The following ETV6 variants were observed in gnomAD, a reference collection of about 807,000 sequenced individuals.
ETV6 encodes ETS variant transcription factor 6, also known as transcription factor ETV6.
A neutral mutation model predicts 51.1 loss-of-function variants in ETV6; 16 were observed. The ratio of observed to expected loss-of-function variants is 0.31; its 90% CI spans 0.21 to 0.48. The LOEUF (loss-of-function observed/expected upper bound fraction) is 0.48, where lower values mean the gene tolerates loss of function less well. Ranked by LOEUF, ETV6 falls within the 20% of genes least tolerant of loss-of-function variation. The pLI, the probability that ETV6 is intolerant of heterozygous loss-of-function variation, is 0.99. For synonymous variants in ETV6, 240 were observed against 224.1 expected, an observed-to-expected ratio of 1.07 and a Z score of -0.64; for missense variants, 458 against 594.8, an observed-to-expected ratio of 0.77 and a Z score of 2.39.
At chr12:11,737,249 A>G (rs1294236976) in intron 1 of ETV6, among the ~76,000 whole-genome samples, 1 of 152,216 alleles carries the variant, frequency 6.6e-6, no homozygotes, top group Non-Finnish European at 1.5e-5. Context: ...CTGGAACTCT[A>G]CAACAGTCAG....
At chr12:11,664,005 T>A (rs929178177) in intron 1 of ETV6, among the ~76,000 whole-genome samples, 8 of 152,240 alleles carry the variant, frequency 5.3e-5, no homozygotes, top group Non-Finnish European at 2.9e-5. Flanking sequence ...TTTAAGGATT[T>A]GTGCCTTAGT....
intron 1 of ETV6, among the ~76,000 whole-genome samples, chr12:11,693,452 C>T (rs908164772): frequency 1.3e-5 from 2 of 152,228 alleles, no homozygotes; most frequent in African/African-American, 4.8e-5. Context: ...TCCTCTCACT[C>T]TTTCCCTTGG....
At chr12:11,794,552 A>G (rs1945649377) in intron 2 of ETV6, among the ~76,000 whole-genome samples, 1 of 152,198 alleles carries the variant, frequency 6.6e-6, no homozygotes, top group South Asian at 2.1e-4. Context: ...AGAGATACTC[A>G]GTGAGCAGAG....
At chr12:11,786,365 G>GAT (rs1165741152) in intron 2 of ETV6, among the ~76,000 whole-genome samples, 2 of 149,856 alleles carry the variant, frequency 1.3e-5, no homozygotes, top group Non-Finnish European at 3.0e-5. Flanking sequence ...CCTAATTAAA[G>GAT]ATATATATAC....
intron 1 of ETV6, among the ~76,000 whole-genome samples, chr12:11,737,665 G>A (rs1591640564): frequency 6.6e-6 from 1 of 152,246 alleles, no homozygotes; most frequent in Non-Finnish European, 1.5e-5. Context: ...GATGGAAGAA[G>A]TGGATGAGGG....
chr12:11,837,278 A>G (rs551730145), intron 2 of ETV6, among the ~76,000 whole-genome samples: 4 of 152,216 alleles, frequency 2.6e-5, no homozygotes, highest in African/African-American at 9.7e-5. Context: ...TTGAAATTCT[A>G]ATTTGTTTCC....
At chr12:11,656,210 T>C (rs1173451134) in intron 1 of ETV6, among the ~76,000 whole-genome samples, 1 of 152,220 alleles carries the variant, frequency 6.6e-6, no homozygotes, top group East Asian at 1.9e-4. Context: ...ATGAGGAAAC[T>C]GAAGCCCAGA....
At chr12:11,729,871 A>C (rs924406437) in intron 1 of ETV6, among the ~76,000 whole-genome samples, 1 of 152,190 alleles carries the variant, frequency 6.6e-6, no homozygotes, top group Non-Finnish European at 1.5e-5. Flanking sequence ...TGCTGAATGC[A>C]TGGGTTAAAG....
intron 2 of ETV6, among the ~76,000 whole-genome samples, chr12:11,789,264 C>A (rs1323734400): frequency 2.6e-5 from 4 of 152,056 alleles, no homozygotes; most frequent in Non-Finnish European, 4.4e-5. Context: ...AAACTCCTGA[C>A]CTCACGATTC....
chr12:11,713,528 G>A (rs534825599), intron 1 of ETV6, among the ~76,000 whole-genome samples: 8 of 152,252 alleles, frequency 5.3e-5, no homozygotes, highest in Non-Finnish European at 8.8e-5. Flanking sequence ...GCCTTTGCGT[G>A]TGCTGTTTCC....
intron 1 of ETV6, among the ~76,000 whole-genome samples, chr12:11,656,035 C>T (rs968073062): frequency 6.6e-6 from 1 of 152,208 alleles, no homozygotes; most frequent in African/African-American, 2.4e-5. Context: ...TTTCCTTCTT[C>T]CTCTTCCTCC....
At chr12:11,884,923 C>T (rs1947162542) in intron 6 of ETV6, among the ~76,000 whole-genome samples, 1 of 152,218 alleles carries the variant, frequency 6.6e-6, no homozygotes, top group Non-Finnish European at 1.5e-5. Context: ...GCAAGACTCT[C>T]TGACTCACAG....
At chr12:11,839,107 CTCTT>C (rs760579235) in intron 2 of ETV6, 29 bp from the exon 3 acceptor site, 1 of 1,597,678 alleles carries the variant, frequency 6.3e-7, no homozygotes, top group Non-Finnish European at 8.5e-7. Context: ...AGACCTTTCT[CTCTT>C]TCTTTCTGCC....
intron 2 of ETV6, among the ~76,000 whole-genome samples, chr12:11,801,077 A>G (rs920936152): frequency 6.6e-6 from 1 of 152,222 alleles, no homozygotes; most frequent in Non-Finnish European, 1.5e-5. Context: ...AGCTTTATTC[A>G]TCGAAAATTT....
intron 2 of ETV6, among the ~76,000 whole-genome samples, chr12:11,769,403 A>G (rs11054447): frequency 0.062 from 9,447 of 152,224 alleles, 297 homozygotes; most frequent in South Asian, 0.14. Flanking sequence ...ATTCACTTCT[A>G]TTTAAAACAC....
chr12:11,859,797 G>A (rs760174362), intron 4 of ETV6, among the ~76,000 whole-genome samples: 9 of 152,204 alleles, frequency 5.9e-5, no homozygotes, highest in Non-Finnish European at 1.0e-4. Context: ...AGCAGTAGTG[G>A]AGATGAGAAC....
At chr12:11,844,019 A>G (rs1946426643) in intron 3 of ETV6, among the ~76,000 whole-genome samples, 1 of 151,926 alleles carries the variant, frequency 6.6e-6, no homozygotes, top group Non-Finnish European at 1.5e-5. Flanking sequence ...TTGGGCTACT[A>G]GATAGTTATC....
At chr12:11,758,533 C>T (rs913598342) in intron 2 of ETV6, among the ~76,000 whole-genome samples, 8 of 152,274 alleles carry the variant, frequency 5.3e-5, no homozygotes, top group Middle Eastern at 6.8e-3. Context: ...CCTGTGATTT[C>T]CAGGGGCTCA....
chr12:11,715,725 G>T (rs1487915325), intron 1 of ETV6, among the ~76,000 whole-genome samples: 1 of 152,176 alleles, frequency 6.6e-6, no homozygotes, highest in Non-Finnish European at 1.5e-5. Flanking sequence ...ATAAATTGAG[G>T]ATTTATGACA....
Sources: gnomAD v4.1 joint callset for allele counts (sites outside exome capture counted in the v4.1 genomes callset) on GRCh38, gnomAD v4.1.1 for gene constraint, MANE v1.5 for transcripts, NCBI Gene and HGNC (gene_info 2026-07-23, HGNC 2026-07-21) for gene names.